Variants in OPCML observed in about 807,000 individuals in gnomAD.
OPCML encodes opioid binding protein/cell adhesion molecule like.
Under a neutral mutation model 37.8 loss-of-function variants are expected in OPCML, and 13 were observed. The observed-to-expected ratio is 0.34, with a 90% CI of 0.22 to 0.55. The LOEUF is 0.55. Ranked by LOEUF, OPCML falls within the 20% of genes least tolerant of loss-of-function variation. The pLI is 0.91. For missense variants in OPCML, 341 were observed against 435.6 expected (o/e 0.78, Z 1.93); for synonymous variants, 176 against 168.8 (o/e 1.04, Z -0.33).
rs568547491 is a variant in OPCML at position 132,674,971 on chromosome 11, TA to T, written c.147-17653del. On this transcript the variant is annotated intron_variant, in intron 2 of 7. Transcript: ENST00000524381. ...AATAAGCTTTTCCACTTACCGTTTTTAAATCAGCTACTATTCATATGTTCCT... is the reference window on the plus strand; with the variant it reads ...AATAAGCTTTTCCACTTACCGTTTTTAATCAGCTACTATTCATATGTTCCT... Among the ~76,000 whole-genome samples the T allele has an allele frequency of 2.8e-3, 430 of 152,300 alleles. 3 individuals are homozygous for T. The highest frequency in any genetic ancestry group is 5.0e-3 in the South Asian group (24 of 4,824).
At chr11:133,349,917 A>C (rs1240721027) in intron 1 of OPCML, among the ~76,000 whole-genome samples, 3 of 152,230 alleles carry the variant, frequency 2.0e-5, no homozygotes, top group Non-Finnish European at 4.4e-5. Flanking sequence ...CCTTTTAAAA[A>C]TCAACTTTTC....
intron 2 of OPCML, among the ~76,000 whole-genome samples, chr11:132,884,797 A>G (rs979576629): frequency 6.6e-6 from 1 of 152,268 alleles, no homozygotes; most frequent in Admixed American, 6.5e-5. Flanking sequence ...ACTAAAATAT[A>G]TAGGTGGTTA....
chr11:132,661,356 G>C (rs1425248951), intron 2 of OPCML, among the ~76,000 whole-genome samples: 2 of 152,198 alleles, frequency 1.3e-5, no homozygotes, highest in Non-Finnish European at 2.9e-5. Context: ...GTTGAGGAAA[G>C]TTATTTTCCT....
intron 3 of OPCML, among the ~76,000 whole-genome samples, chr11:132,531,441 G>A (rs572629152): frequency 5.6e-4 from 85 of 152,330 alleles, no homozygotes; most frequent in Non-Finnish European, 9.6e-4. Flanking sequence ...CTGAGTTGAT[G>A]TCAAAGGAGA....
chr11:132,532,538 G>A (rs1004163862), intron 3 of OPCML, among the ~76,000 whole-genome samples: 1 of 152,130 alleles, frequency 6.6e-6, no homozygotes, highest in Non-Finnish European at 1.5e-5. Flanking sequence ...GGCATGGGGA[G>A]ATAAATGGAT....
chr11:132,436,054 G>GTGGCTT, intron 7 of OPCML, 32 bp downstream of exon 7: 1 of 1,601,592 alleles, frequency 6.2e-7, no homozygotes, highest in Non-Finnish European at 8.5e-7. Flanking sequence ...CCATGTGGCT[G>GTGGCTT]AGCCCACTGC....
intron 2 of OPCML, among the ~76,000 whole-genome samples, chr11:132,697,269 T>A (rs1943633060): frequency 1.3e-5 from 2 of 152,214 alleles, no homozygotes; most frequent in African/African-American, 4.8e-5. Context: ...ATAATTACCT[T>A]CTTTTTTTCT....
intron 2 of OPCML, among the ~76,000 whole-genome samples, chr11:132,851,059 T>C (rs1275183934): frequency 2.0e-5 from 3 of 152,224 alleles, no homozygotes; most frequent in Non-Finnish European, 4.4e-5. Context: ...TCACCTCTAA[T>C]TGAAATGTAG....
At chr11:133,114,197 C>A (rs7110459) in intron 1 of OPCML, among the ~76,000 whole-genome samples, 6 of 152,008 alleles carry the variant, frequency 3.9e-5, no homozygotes, top group African/African-American at 7.2e-5. Flanking sequence ...TGGGCCTCCC[C>A]CTGAACTGCT....
At chr11:133,496,357 T>G (rs1274726445) in intron 1 of OPCML, among the ~76,000 whole-genome samples, 1 of 152,222 alleles carries the variant, frequency 6.6e-6, no homozygotes, top group Non-Finnish European at 1.5e-5. Flanking sequence ...TTGTCCTTCT[T>G]GCTTAATCTT....
intron 1 of OPCML, among the ~76,000 whole-genome samples, chr11:133,376,472 C>T (rs951880200): frequency 6.6e-6 from 1 of 151,910 alleles, no homozygotes; most frequent in African/African-American, 2.4e-5. Flanking sequence ...ATTAAAAGTC[C>T]CCTCAAAATT....
chr11:133,355,166 C>T (rs907163865), intron 1 of OPCML, among the ~76,000 whole-genome samples: 4 of 152,170 alleles, frequency 2.6e-5, no homozygotes, highest in South Asian at 2.1e-4. Context: ...AATTTGAAGT[C>T]GATGCCAATG....
intron 1 of OPCML, among the ~76,000 whole-genome samples, chr11:133,135,011 C>T (rs141964929): frequency 9.8e-5 from 15 of 152,304 alleles, no homozygotes; most frequent in Non-Finnish European, 1.9e-4. Flanking sequence ...TTCTTGAAAA[C>T]AGCCTCATAT....
chr11:133,054,778 T>C (rs987718013), intron 1 of OPCML, among the ~76,000 whole-genome samples: 3 of 152,262 alleles, frequency 2.0e-5, no homozygotes, highest in Admixed American at 2.0e-4. Flanking sequence ...CGAGATCCTG[T>C]GAAGGAGCTG....
chr11:133,100,700 G>A (rs2137071412), intron 1 of OPCML, among the ~76,000 whole-genome samples: 1 of 152,190 alleles, frequency 6.6e-6, no homozygotes, highest in African/African-American at 2.4e-5. Flanking sequence ...AAGACCAAAG[G>A]CAATACAATG....
intron 2 of OPCML, among the ~76,000 whole-genome samples, chr11:132,926,570 G>C (rs1945001403): frequency 6.6e-6 from 1 of 152,150 alleles, no homozygotes; most frequent in South Asian, 2.1e-4. Context: ...ACATCCTGCT[G>C]ATTAGTGAAG....
In OPCML at chr11:133,143,648, T is replaced by C. The variant is rs563865533; in HGVS notation, c.62-200638A>G. ...CCCCATATCTCATCTCAGCTGGACC[T>C]CAGAGCAAACTGAGATAAAGGAGGC... is the stretch of plus-strand genomic sequence containing the variant. On this transcript the variant is annotated intron_variant, in intron 1 of 7. Coordinates refer to ENST00000524381, the MANE Select transcript of OPCML (RefSeq NM_001012393.5). 2.8e-4 allele frequency among the ~76,000 whole-genome samples: 43 copies of C among 152,330 alleles called. No homozygotes were observed. The South Asian group carries it at 8.7e-3, about 31-fold the overall frequency.
chr11:133,138,933 C>T (rs569238584), intron 1 of OPCML, among the ~76,000 whole-genome samples: 26 of 152,198 alleles, frequency 1.7e-4, no homozygotes, highest in Non-Finnish European at 2.2e-4. Flanking sequence ...CTTTCATTGA[C>T]ATGAACCTCC....
At chr11:133,266,898 G>A (rs536562298) in intron 1 of OPCML, among the ~76,000 whole-genome samples, 1 of 152,154 alleles carries the variant, frequency 6.6e-6, no homozygotes, top group Non-Finnish European at 1.5e-5. Flanking sequence ...GATGTGATGA[G>A]ATGTCCTCAG....
Sources: gnomAD v4.1 joint callset for allele counts (sites outside exome capture counted in the v4.1 genomes callset) on GRCh38, gnomAD v4.1.1 for gene constraint, MANE v1.5 for transcripts, NCBI Gene and HGNC (gene_info 2026-07-23, HGNC 2026-07-21) for gene names.